The following TAF4 variants were observed in gnomAD, a reference collection of about 807,000 sequenced individuals.
TAF4 encodes the protein TATA-box binding protein associated factor 4.
Under a neutral mutation model 90.3 loss-of-function variants are expected in TAF4, and 9 were observed. That is an observed-to-expected ratio of 0.10 (90% CI 0.06 to 0.17). The LOEUF (loss-of-function observed/expected upper bound fraction) is 0.17, where lower values mean the gene tolerates loss of function less well. TAF4 is among the 10% of genes least tolerant of loss of function. The pLI is 1.00. For missense variants in TAF4, 1,351 were observed against 1,370.7 expected (o/e 0.99, Z 0.23); for synonymous variants, 818 against 638.9 (o/e 1.28, Z -4.23).
chr20:61,988,190 C>T (rs1018467148), intron 14 of TAF4, among the ~76,000 whole-genome samples: 1 of 152,122 alleles, frequency 6.6e-6, no homozygotes, highest in Non-Finnish European at 1.5e-5. Context: ...AGAGTGCACC[C>T]TGATGGGAAC....
intron 2 of TAF4, among the ~76,000 whole-genome samples, 164 bp from the exon 3 acceptor site, chr20:62,013,098 CA>C (rs2055789151): frequency 6.6e-6 from 1 of 152,154 alleles, no homozygotes; most frequent in Non-Finnish European, 1.5e-5. Flanking sequence ...GTTTTCTTAC[CA>C]AAGAACAAGT....
chr20:61,983,854 G>A (rs2055565498), intron 14 of TAF4, among the ~76,000 whole-genome samples: 1 of 152,172 alleles, frequency 6.6e-6, no homozygotes, highest in African/African-American at 2.4e-5. Context: ...TTCAGAAGGT[G>A]AAAAGTAAGG....
chr20:62,019,334 C>T (rs558493141), intron 1 of TAF4, among the ~76,000 whole-genome samples: 104 of 152,310 alleles, frequency 6.8e-4, no homozygotes, highest in African/African-American at 2.3e-3. Context: ...GTTCCCTGCC[C>T]GCTCCCCGGG....
At chr20:62,013,773 G>A (rs2055793390) in intron 2 of TAF4, among the ~76,000 whole-genome samples, 1 of 152,250 alleles carries the variant, frequency 6.6e-6, no homozygotes, top group South Asian at 2.1e-4. Flanking sequence ...GGCACGTGCA[G>A]GTGACAGTCA....
chr20:62,048,764 T>C (rs2056009021), intron 1 of TAF4, among the ~76,000 whole-genome samples: 1 of 142,510 alleles, frequency 7.0e-6, no homozygotes, highest in Non-Finnish European at 1.5e-5. Flanking sequence ...CCAGGCTCCA[T>C]CCTCCTGCAG....
intron 9 of TAF4, among the ~76,000 whole-genome samples, chr20:62,001,712 A>G (rs1183713221): frequency 6.6e-6 from 1 of 152,088 alleles, no homozygotes; most frequent in Non-Finnish European, 1.5e-5. Context: ...TTAGGGCTCC[A>G]GCTGAAGGAC....
Position 62,006,322 on chromosome 20 carries a change from T to C in TAF4, c.2223+188A>G, listed in dbSNP as rs1463191898. 2 of 802,396 alleles carry C rather than the reference T, an allele frequency of 2.5e-6. No individual in the cohort carries two copies. Among genetic ancestry groups the C allele is most frequent in the South Asian group, 5.3e-5 (1 of 18,730 alleles). The allele number at this position is 802,396 out of a possible 1,614,324, so 49.7% of individuals were successfully genotyped here. A position where few individuals can be genotyped will look rare whatever the true frequency, so the allele number is the denominator to read the frequency against. ...ACTATTTCATTTTACTGAGACAAAA[T>C]ACAACATCCCAGGGCCTCAACCTCT... On this transcript the variant is annotated intron_variant, in intron 7 of 14. Transcript: ENST00000252996. This position sits in a 1 kb window ranked among gnomAD's most constrained non-coding sequence, Gnocchi z 7.0.
chr20:62,054,214 G>T (rs1213356355), intron 1 of TAF4, among the ~76,000 whole-genome samples: 2 of 152,326 alleles, frequency 1.3e-5, no homozygotes, highest in African/African-American at 4.8e-5. Flanking sequence ...AAGCATGAAG[G>T]AGGCGGCCTG....
intron 2 of TAF4, 137 bp from the exon 3 acceptor site, chr20:62,013,071 G>A: frequency 7.8e-7 from 1 of 1,274,300 alleles, no homozygotes; most frequent in Non-Finnish European, 1.0e-6. Flanking sequence ...CTGCAATGAA[G>A]CCACTGTAAT....
Position 62,064,917 on chromosome 20 carries a change from C to G in TAF4, c.894G>C (p.Pro298=), listed in dbSNP as rs1426010753. 4.8e-6 allele frequency: 3 copies of G among 628,978 alleles called. No homozygotes were observed. Among genetic ancestry groups the G allele is most frequent in the Admixed American group, 7.0e-5 (1 of 14,254 alleles). 39.0% of individuals were successfully genotyped at this position (628,978 alleles called of 1,614,324 possible). A position where few individuals can be genotyped will look rare whatever the true frequency, so the allele number is the denominator to read the frequency against. The stretch of plus-strand genomic sequence containing the variant: ...CCCCGTTCTGGGCGGCGGCGGGGGG[C>G]GGCACGGCGGGCGCGGCGGTCGGGG... ...AGPPTAAPAV[P]PPAAAQNGGS... Residue 298 remains proline, a synonymous_variant, in exon 1 of 15, where the codon CCG becomes CCC. Coordinates refer to ENST00000252996, the MANE Select transcript of TAF4 (RefSeq NM_003185.4).
chr20:62,020,044 G>A (rs1233423183), intron 1 of TAF4, among the ~76,000 whole-genome samples: 1 of 152,190 alleles, frequency 6.6e-6, no homozygotes, highest in Admixed American at 6.5e-5. Context: ...CCCTGGCTTG[G>A]CTCTGTCTGT....
intron 1 of TAF4, among the ~76,000 whole-genome samples, chr20:62,053,369 G>A (rs549193441): frequency 8.6e-4 from 131 of 152,298 alleles, no homozygotes; most frequent in Non-Finnish European, 1.6e-3. Flanking sequence ...GCCCTGTGAC[G>A]AGCTCCCGGC....
At chr20:61,979,591 G>A (rs1236976491) in intron 14 of TAF4, among the ~76,000 whole-genome samples, 1 of 143,416 alleles carries the variant, frequency 7.0e-6, no homozygotes, top group Non-Finnish European at 1.5e-5. Flanking sequence ...ACGGCCTCTA[G>A]AGGGACTGTG....
intron 1 of TAF4, among the ~76,000 whole-genome samples, chr20:62,042,429 G>A (rs1032394653): frequency 6.6e-6 from 1 of 152,204 alleles, no homozygotes; most frequent in African/African-American, 2.4e-5. Flanking sequence ...CAAGGACTCG[G>A]GTACCGAGAG....
chr20:61,988,170 G>C (rs1483683536), intron 14 of TAF4, among the ~76,000 whole-genome samples: 2 of 152,164 alleles, frequency 1.3e-5, no homozygotes, highest in African/African-American at 2.4e-5. Flanking sequence ...CCCACAGAAT[G>C]TACACACCAA....
intron 1 of TAF4, among the ~76,000 whole-genome samples, chr20:62,021,847 AG>A (rs1478171704): frequency 2.0e-5 from 3 of 152,154 alleles, no homozygotes; most frequent in Non-Finnish European, 2.9e-5. Context: ...ATTTAAAAAA[AG>A]AAAAAAAAAG....
chr20:62,003,953 TCTTCC>T, intron 7 of TAF4, 75 bp from the exon 8 acceptor site: 1 of 1,477,354 alleles, frequency 6.8e-7, no homozygotes, highest in Non-Finnish European at 8.9e-7. Context: ...AGCAGGAGGT[TCTTCC>T]CTTCCCTTCC....
At chr20:62,038,675 G>A (rs183333550) in intron 1 of TAF4, among the ~76,000 whole-genome samples, 5 of 152,246 alleles carry the variant, frequency 3.3e-5, no homozygotes, top group Admixed American at 1.3e-4. Context: ...GGTACAACAC[G>A]TTCGTGAATC....
intron 1 of TAF4, among the ~76,000 whole-genome samples, chr20:62,051,921 T>G (rs1218385046): frequency 1.3e-5 from 2 of 152,126 alleles, no homozygotes; most frequent in East Asian, 3.9e-4. Flanking sequence ...CTGCCACCCC[T>G]TCCTGGACAA....
Sources: gnomAD v4.1 joint callset for allele counts (sites outside exome capture counted in the v4.1 genomes callset) on GRCh38, gnomAD v4.1.1 for gene constraint, Gnocchi (gnomAD v3.1) non-coding constraint, MANE v1.5 for transcripts, NCBI Gene and HGNC (gene_info 2026-07-23, HGNC 2026-07-21) for gene names.